CBFA2T3: variants seen among roughly 807,000 people sequenced by gnomAD.
CBFA2T3 encodes CBFA2/RUNX1 partner transcriptional co-repressor 3, also known as transcriptional corepressor CBFA2T3.
A neutral mutation model predicts 58.6 loss-of-function variants in CBFA2T3; 31 were observed. The observed-to-expected ratio is 0.53, with a 90% CI of 0.40 to 0.71. The LOEUF (loss-of-function observed/expected upper bound fraction) is 0.71. CBFA2T3 is among the 30% of genes least tolerant of loss of function. The pLI is 0.00. For synonymous variants in CBFA2T3, 531 were observed against 421.9 expected (o/e 1.26, Z -3.17); for missense variants, 1,076 against 963.1 (o/e 1.12, Z -1.55).
chr16:88,961,649 C>G (rs1366898673), intron 1 of CBFA2T3, among the ~76,000 whole-genome samples: 7 of 118,982 alleles, frequency 5.9e-5, no homozygotes, highest in Admixed American at 4.0e-4. Context: ...GTAACCGACA[C>G]TCAGCGCTGG....
At chr16:88,976,095 C>T (rs1210554917) in intron 1 of CBFA2T3, among the ~76,000 whole-genome samples, 1 of 152,218 alleles carries the variant, frequency 6.6e-6, no homozygotes, top group African/African-American at 2.4e-5. Flanking sequence ...GACCCCTCCC[C>T]AGAGCCCGAA....
intron 1 of CBFA2T3, among the ~76,000 whole-genome samples, chr16:88,940,596 C>T (rs1971684216): frequency 6.6e-6 from 1 of 152,172 alleles, no homozygotes; most frequent in African/African-American, 2.4e-5. Flanking sequence ...GCCGGGGACC[C>T]GGGCAGGAGG....
intron 5 of CBFA2T3, among the ~76,000 whole-genome samples, chr16:88,887,947 C>G (rs1268177092): frequency 6.6e-6 from 1 of 152,190 alleles, no homozygotes; most frequent in Non-Finnish European, 1.5e-5. Context: ...CTCTGCCAAG[C>G]ACCCAGCTAA....
intron 1 of CBFA2T3, 107 bp downstream of exon 1, chr16:88,976,550 C>T: frequency 2.4e-6 from 2 of 829,672 alleles, no homozygotes; most frequent in South Asian, 1.7e-5. Context: ...CGTGCCGGCA[C>T]TGTCAACTAA....
chr16:88,897,375 C>G (rs1010803415), intron 3 of CBFA2T3, among the ~76,000 whole-genome samples: 7 of 152,258 alleles, frequency 4.6e-5, no homozygotes, highest in African/African-American at 1.7e-4. Context: ...GCCAGGCTGG[C>G]TGGTAGTGAT....
At chr16:88,972,297 C>T (rs1249627304) in intron 1 of CBFA2T3, among the ~76,000 whole-genome samples, 1 of 152,148 alleles carries the variant, frequency 6.6e-6, no homozygotes, top group African/African-American at 2.4e-5. Flanking sequence ...GCCCCTGCTC[C>T]CTGCTCTGTG....
rs775600357 is a variant in CBFA2T3 at position 88,877,004 on chromosome 16, G to C, written c.1934C>G (p.Pro645Arg). 1.5e-4 allele frequency: 219 copies of C among 1,469,200 alleles called. No homozygotes were observed. Among genetic ancestry groups the C allele is most frequent in the Non-Finnish European group, 1.9e-4 (215 of 1,115,580 alleles). 91.0% of individuals were successfully genotyped at this position (1,469,200 alleles called of 1,614,324 possible). ...GCGGGGCACGGTGTCCAGTGGGCCA[G>C]GTGGGCTGGGGGAGCCGGGGCGAGA... Reference protein sequence around the residue: ...GPSRPGSPSPPGPLDTVPR With the variant: ...GPSRPGSPSPRGPLDTVPR Residue 645 changes from proline to arginine, a missense_variant, in exon 12 of 12, where the codon CCT becomes CGT. By Grantham distance (103) the Pro-to-Arg change is moderately radical. Coordinates refer to ENST00000268679, the MANE Select transcript of CBFA2T3 (RefSeq NM_005187.6).
intron 1 of CBFA2T3, 29 bp downstream of exon 1, chr16:88,976,628 C>T: frequency 1.3e-6 from 2 of 1,520,484 alleles, no homozygotes; most frequent in Non-Finnish European, 1.8e-6. Flanking sequence ...TCTGCCCCCA[C>T]CCCACCACCT....
chr16:88,934,957 G>A (rs975184281), intron 1 of CBFA2T3, among the ~76,000 whole-genome samples: 15 of 152,182 alleles, frequency 9.9e-5, no homozygotes, highest in Non-Finnish European at 2.1e-4. Context: ...AGCCAGGATG[G>A]TCTCGATCTC....
At position 88,885,039 on chromosome 16, in the gene CBFA2T3, T is replaced by C; in HGVS notation, c.1117+7A>G. 1.3e-6 allele frequency: 2 copies of C among 1,590,714 alleles called. No homozygotes were observed. The highest frequency in any genetic ancestry group is 1.7e-6 in the Non-Finnish European group (2 of 1,172,218). On this transcript the variant is annotated splice_region_variant and intron_variant, in intron 7 of 11. Transcript: ENST00000268679. This position sits in a 1 kb window ranked among gnomAD's most constrained non-coding sequence, Gnocchi z 5.3. ...CGTCCACGCTCCCGCCCCACCGGGC[T>C]GCTCACCAAGCGGCCGATGGCGCTC... is the stretch of plus-strand genomic sequence containing the variant.
intron 1 of CBFA2T3, among the ~76,000 whole-genome samples, chr16:88,926,011 C>G (rs1971075296): frequency 6.6e-6 from 1 of 152,238 alleles, no homozygotes; most frequent in Admixed American, 6.5e-5. Flanking sequence ...ATCTCTTCTG[C>G]CCCCTGGAAG....
intron 1 of CBFA2T3, among the ~76,000 whole-genome samples, chr16:88,972,317 C>G (rs765087251): frequency 2.0e-5 from 3 of 152,166 alleles, no homozygotes; most frequent in Non-Finnish European, 4.4e-5. Flanking sequence ...GCCAGTGGAG[C>G]CTCCGGTGGG....
intron 1 of CBFA2T3, among the ~76,000 whole-genome samples, chr16:88,952,292 G>A (rs984159558): frequency 1.2e-4 from 18 of 152,142 alleles, no homozygotes; most frequent in Non-Finnish European, 2.4e-4. Flanking sequence ...GCCAGGCCAC[G>A]GGGTGAGGGA....
chr16:88,951,957 C>T (rs999411824), intron 1 of CBFA2T3, among the ~76,000 whole-genome samples: 2 of 152,156 alleles, frequency 1.3e-5, no homozygotes, highest in Non-Finnish European at 2.9e-5. Flanking sequence ...CTGACGCCTC[C>T]GAGCTGGGTT....
Position 88,958,921 on chromosome 16 carries a change from G to A in CBFA2T3, c.151+17736C>T, listed in dbSNP as rs1334748159. On this transcript the variant is annotated intron_variant, in intron 1 of 11. Coordinates refer to ENST00000268679, the MANE Select transcript of CBFA2T3 (RefSeq NM_005187.6). This position sits in a 1 kb window ranked among gnomAD's most constrained non-coding sequence, Gnocchi z 4.0. ...CCTTTTCCCTTTGCCTCCATGGAGC[G>A]GGCCTGAGTTCCCAGAGGGCTGATT... is the stretch of plus-strand genomic sequence containing the variant. Among the ~76,000 whole-genome samples the A allele has an allele frequency of 3.3e-5, 5 of 152,094 alleles. No individual in the cohort carries two copies. Among genetic ancestry groups the A allele is most frequent in the African/African-American group, 1.2e-4 (5 of 41,404 alleles).
rs1010814638 is a variant in CBFA2T3 at position 88,898,095 on chromosome 16, C to T, written c.362G>A (p.Trp121Ter). ...PHGRFHGCLK[W>*]SMVCLLMNGS... is the part of the protein sequence containing the mutation. ...TTACTTACAGAGACAGACCATAGAC[C>T]ATTTTAAGCAGCCATGAAAACGGCC... The change falls in exon 3 of 12, where the codon TGG (tryptophan) becomes TAG (stop). Residue 121 changes from tryptophan to a stop codon, truncating the protein, a stop_gained. Coordinates refer to ENST00000268679, the MANE Select transcript of CBFA2T3 (RefSeq NM_005187.6). LOFTEE classifies it high-confidence loss of function. 1.3e-6 allele frequency: 2 copies of T among 1,590,326 alleles called. No individual in the cohort carries two copies. Among genetic ancestry groups the T allele is most frequent in the Non-Finnish European group, 1.7e-6 (2 of 1,163,964 alleles).
intron 3 of CBFA2T3, among the ~76,000 whole-genome samples, chr16:88,897,084 G>A (rs79749831): frequency 0.01 from 1,564 of 152,326 alleles, 26 homozygotes; most frequent in African/African-American, 0.034. Context: ...GGTCAGATGC[G>A]ACAGAGGCAC....
rs185645275 is a variant in CBFA2T3 at position 88,888,941 on chromosome 16, G to A, written c.712-2799C>T. On this transcript the variant is annotated intron_variant, in intron 5 of 11. Coordinates refer to ENST00000268679, the MANE Select transcript of CBFA2T3 (RefSeq NM_005187.6). The stretch of plus-strand genomic sequence containing the variant: ...GGCCGCGGGCGGCACCTGCTGGGGC[G>A]TGGCCGGGGGACACCAGGGCCTGAC... Among the ~76,000 whole-genome samples, 80 of 151,950 alleles carry A rather than the reference G, an allele frequency of 5.3e-4. 2 individuals carry two copies. In the Middle Eastern group the frequency reaches 0.021, roughly 39 times the overall value.
chr16:88,889,169 G>T (rs564793407), intron 5 of CBFA2T3, among the ~76,000 whole-genome samples: 4 of 151,658 alleles, frequency 2.6e-5, no homozygotes, highest in Admixed American at 6.6e-5. Flanking sequence ...GGGAAGGGCC[G>T]CTAACGAACT....
Sources: allele counts gnomAD v4.1 joint callset (sites outside exome capture counted in the v4.1 genomes callset), GRCh38; gene constraint gnomAD v4.1.1; non-coding constraint Gnocchi (gnomAD v3.1); transcripts MANE v1.5; gene names NCBI Gene and HGNC (gene_info 2026-07-23, HGNC 2026-07-21).